COL4A3: variants seen among roughly 807,000 people sequenced by gnomAD.
COL4A3 encodes the protein collagen alpha-3(IV) chain.
A neutral mutation model predicts 217.4 loss-of-function variants in COL4A3; 135 were observed. That is an observed-to-expected ratio of 0.62 (90% confidence interval 0.54 to 0.72). COL4A3 has a LOEUF of 0.72. Ranked by LOEUF, COL4A3 falls within the 30% of genes least tolerant of loss-of-function variation. The pLI is 0.00. For synonymous variants in COL4A3, 690 were observed against 736.3 expected (o/e 0.94, Z 1.02); for missense variants, 1,868 against 2,119.9 (o/e 0.88, Z 2.33).
At chr2:227,281,378 T>A (rs2071953220) in intron 31 of COL4A3, among the ~76,000 whole-genome samples, 1 of 152,164 alleles carries the variant, frequency 6.6e-6, no homozygotes, top group Non-Finnish European at 1.5e-5. Context: ...TCCTTATTAT[T>A]AAAATAGGGT....
intron 2 of COL4A3, 89 bp from the exon 3 acceptor site, chr2:227,240,054 A>T (rs1397624837): frequency 1.8e-6 from 2 of 1,137,016 alleles, no homozygotes; most frequent in African/African-American, 1.5e-5. Flanking sequence ...CCATGAAGTC[A>T]TAAACAAGAG....
intron 1 of COL4A3, among the ~76,000 whole-genome samples, chr2:227,208,146 A>G (rs2067171550): frequency 6.6e-6 from 1 of 152,120 alleles, no homozygotes; most frequent in Non-Finnish European, 1.5e-5. Context: ...ATTCCTGGGC[A>G]TAGGCCGAAC....
chr2:227,270,447 T>C (rs1272596382), intron 24 of COL4A3, among the ~76,000 whole-genome samples: 1 of 152,226 alleles, frequency 6.6e-6, no homozygotes, highest in Non-Finnish European at 1.5e-5. Context: ...ATAAATATAC[T>C]TAGATCAAAC....
At chr2:227,235,683 G>A (rs780514572) in intron 1 of COL4A3, among the ~76,000 whole-genome samples, 5 of 151,648 alleles carry the variant, frequency 3.3e-5, no homozygotes, top group Non-Finnish European at 7.4e-5. Flanking sequence ...GAGAATATGC[G>A]ACGTTTAGTT....
At chr2:227,170,714 T>C (rs535481169) in intron 1 of COL4A3, among the ~76,000 whole-genome samples, 9 of 152,280 alleles carry the variant, frequency 5.9e-5, no homozygotes, top group Non-Finnish European at 1.3e-4. Context: ...GCAGTAATAG[T>C]ATGTATTTTT....
chr2:227,309,396 C>A, intron 50 of COL4A3, 78 bp downstream of exon 50: 1 of 1,128,394 alleles, frequency 8.9e-7, no homozygotes. Context: ...AAATGTGATT[C>A]CCAGGGTCGA....
At position 227,165,347 on chromosome 2, in the gene COL4A3, T is replaced by C. The variant is rs577240195; in HGVS notation, c.87+534T>C. Reference sequence around the variant, plus strand: ...GCCCTCCAGTTTTCCTTTGCTATTGTTGGGAAAAGCAAATGCTATCACTGA... The same window carrying C: ...GCCCTCCAGTTTTCCTTTGCTATTGCTGGGAAAAGCAAATGCTATCACTGA... On this transcript the variant is annotated intron_variant, in intron 1 of 51. Transcript: ENST00000396578. Among the ~76,000 whole-genome samples the C allele has an allele frequency of 2.0e-4, 31 of 152,312 alleles. No homozygotes were observed. The South Asian group carries it at 6.2e-3, about 31-fold the overall frequency.
Position 227,298,737 on chromosome 2 carries a change from C to A in COL4A3, c.3807C>A (p.Asp1269Glu), listed in dbSNP as rs57611801. ...PGSHVIGIKGDKGSMGHPGPK... is the reference protein window; with the variant it reads ...PGSHVIGIKGEKGSMGHPGPK... ...GTCATGTAATAGGCATAAAAGGAGA[C>A]AAAGGGTCTATGGGCCACCCTGGCC... The change falls in exon 43 of 52, where the codon GAC becomes GAA. Residue 1269 changes from aspartate to glutamate, a missense_variant. Physicochemically the swap from Asp to Glu is conservative, Grantham distance 45. Coordinates refer to ENST00000396578, the MANE Select transcript of COL4A3 (RefSeq NM_000091.5). The A allele has an allele frequency of 0.039, 62,843 of 1,613,962 alleles. 1,671 individuals are homozygous for A. The highest frequency in any genetic ancestry group is 0.097 in the African/African-American group (7,263 of 74,992).
chr2:227,213,606 A>C (rs1213186433), intron 1 of COL4A3, among the ~76,000 whole-genome samples: 1 of 152,164 alleles, frequency 6.6e-6, no homozygotes, highest in Non-Finnish European at 1.5e-5. Flanking sequence ...AGATGATTAA[A>C]AACATACATA....
intron 18 of COL4A3, among the ~76,000 whole-genome samples, chr2:227,257,993 C>T (rs1000858453): frequency 3.9e-5 from 6 of 152,142 alleles, no homozygotes; most frequent in Non-Finnish European, 7.3e-5. Flanking sequence ...CACCTGGGCC[C>T]GGGTTATGAC....
rs376092726 is a variant in COL4A3 at position 227,190,945 on chromosome 2, A to T, written c.87+26132A>T. On this transcript the variant is annotated intron_variant, in intron 1 of 51. Coordinates refer to ENST00000396578, the MANE Select transcript of COL4A3 (RefSeq NM_000091.5). ...AAATTCTGAAAAGTTAAAAGGAAAA[A>T]AGCAAATCATAGTTTACTACTTAAG... Among the ~76,000 whole-genome samples, 3 of 152,298 alleles carry T rather than the reference A, an allele frequency of 2.0e-5. No homozygotes were observed. The East Asian group carries it at 5.8e-4, about 29-fold the overall frequency.
Position 227,253,764 on chromosome 2 carries a change from C to T in COL4A3, c.765+126C>T, listed in dbSNP as rs1463465046. ...AGCTCAGCCCAGCTCCCTCAGCCAG[C>T]CAGAACCTCCAGGATTGATTCCTTC... On this transcript the variant is annotated intron_variant, in intron 13 of 51. Coordinates refer to ENST00000396578, the MANE Select transcript of COL4A3 (RefSeq NM_000091.5). This position sits in a 1 kb window ranked among gnomAD's most constrained non-coding sequence, Gnocchi z 4.4. 4 of 840,880 alleles carry T rather than the reference C, an allele frequency of 4.8e-6. No homozygotes were observed. The highest frequency in any genetic ancestry group is 1.3e-5 in the South Asian group (1 of 74,172). The allele number at this position is 840,880 out of a possible 1,614,324, so 52.1% of individuals were successfully genotyped here.
intron 1 of COL4A3, among the ~76,000 whole-genome samples, chr2:227,218,296 C>G (rs1479065759): frequency 6.6e-6 from 1 of 151,736 alleles, no homozygotes; most frequent in Admixed American, 6.6e-5. Flanking sequence ...GAAACCCCGT[C>G]TCTACTAAAG....
chr2:227,251,502 G>A, intron 11 of COL4A3, 131 bp downstream of exon 11: 1 of 794,690 alleles, frequency 1.3e-6, no homozygotes, highest in Non-Finnish European at 2.1e-6. Context: ...TAGCAGGGAA[G>A]AGCATGGCTA....
At chr2:227,278,887 G>A (rs1287689571) in intron 28 of COL4A3, among the ~76,000 whole-genome samples, 1 of 152,114 alleles carries the variant, frequency 6.6e-6, no homozygotes, top group Admixed American at 6.5e-5. Flanking sequence ...ATGCAGCCTT[G>A]CTTCACCGTG....
chr2:227,274,584 C>T (rs990364885), intron 26 of COL4A3, among the ~76,000 whole-genome samples: 3 of 151,836 alleles, frequency 2.0e-5, no homozygotes, highest in Admixed American at 6.6e-5. Context: ...CTGCAACCTC[C>T]GCCTCCCAAA....
In COL4A3 at chr2:227,253,902, T is replaced by TA. The variant is rs563439570; in HGVS notation, c.766-202dup. 2.8e-4 allele frequency among the ~76,000 whole-genome samples: 42 copies of TA among 151,872 alleles called. 1 individual carries two copies. In the East Asian group the frequency reaches 7.0e-3, roughly 25 times the overall value. ...AAAAAAACAACAAAAAAAAGATACT[T>TA]AAAAAAAAGCTTGCAGGTAGTTTCA... On this transcript the variant is annotated intron_variant, in intron 13 of 51. Transcript: ENST00000396578. This position sits in a 1 kb window ranked among gnomAD's most constrained non-coding sequence, Gnocchi z 4.4.
rs572313092 is a variant in COL4A3, at chr2:227,165,601, G to C, written c.87+788G>C. ...TGTGAAAGTAAACTTTAACTTTTCA[G>C]ATACTTGTTATTTTTACACTTTAAA... On this transcript the variant is annotated intron_variant, in intron 1 of 51. Transcript: ENST00000396578. Among the ~76,000 whole-genome samples the C allele has an allele frequency of 2.0e-5, 3 of 152,268 alleles. No individual in the cohort carries two copies. The East Asian group carries it at 5.8e-4, about 29-fold the overall frequency.
At chr2:227,279,699 G>A (rs1482724818) in intron 28 of COL4A3, 94 bp from the exon 29 acceptor site, 1 of 821,666 alleles carries the variant, frequency 1.2e-6, no homozygotes, top group South Asian at 1.8e-5. Context: ...TTTCATAAAA[G>A]CATCTCTAGC....
Sources: gnomAD v4.1 joint callset for allele counts (sites outside exome capture counted in the v4.1 genomes callset) on GRCh38, gnomAD v4.1.1 for gene constraint, Gnocchi (gnomAD v3.1) non-coding constraint, MANE v1.5 for transcripts, NCBI Gene and HGNC (gene_info 2026-07-23, HGNC 2026-07-21) for gene names.